Variants in LRRN3 observed in about 807,000 individuals in gnomAD.
The protein encoded by LRRN3 is leucine rich repeat neuronal 3, also known as leucine-rich repeat neuronal protein 3.
In LRRN3, 15 loss-of-function variants were observed where a neutral mutation model predicts 40.1. That is an observed-to-expected ratio of 0.37 (90% CI 0.25 to 0.58). LRRN3 has a LOEUF of 0.58. Ranked by LOEUF, LRRN3 falls within the 20% of genes least tolerant of loss-of-function variation. LRRN3 has a pLI of 0.72. For missense variants in LRRN3, 746 were observed against 837.7 expected (o/e 0.89, Z 1.35); for synonymous variants, 308 against 297.2 (o/e 1.04, Z -0.37).
chr7:111,095,514 G>T (rs1024881798), intron 1 of LRRN3, among the ~76,000 whole-genome samples: 10 of 151,868 alleles, frequency 6.6e-5, no homozygotes, highest in Admixed American at 6.6e-4. Context: ...TTCAATAATA[G>T]AAGCAACGAT....
At chr7:111,120,185 G>T (rs981863177) in intron 2 of LRRN3, among the ~76,000 whole-genome samples, 1 of 152,044 alleles carries the variant, frequency 6.6e-6, no homozygotes, top group Non-Finnish European at 1.5e-5. Flanking sequence ...AAAATATCTA[G>T]GTCTTTGTGT....
At position 111,108,913 on chromosome 7, in the gene LRRN3, AG is replaced by A. The variant is rs1426267318; in HGVS notation, c.-359+8952del. Among the ~76,000 whole-genome samples, 6 of 152,346 alleles carry A rather than the reference AG, an allele frequency of 3.9e-5. No individual in the cohort carries two copies. The East Asian group carries it at 1.2e-3, about 29-fold the overall frequency. The stretch of plus-strand genomic sequence containing the variant: ...CAGTAGATATTTATTGAACAACAAT[AG>A]CAGGCAATATTCTAGCTAGGCATTG... On this transcript the variant is annotated intron_variant, in intron 2 of 2. Transcript: ENST00000308478.
rs983213921 is a variant in LRRN3 at position 111,124,845 on chromosome 7, T to C, written c.2073T>C (p.Ser691=). The part of the protein sequence containing the change: ...INLWEAGKEK[S]TSLKVKATVI... ...TCTGGGAAGCAGGAAAAGAAAAAAG[T>C]ACATCACTGAAAGTAAAAGCAACTG... is the stretch of plus-strand genomic sequence containing the variant. The change falls in exon 3 of 3, where the codon AGT becomes AGC. Residue 691 remains serine (S), a synonymous_variant. Coordinates refer to ENST00000308478, the MANE Select transcript of LRRN3 (RefSeq NM_001099658.2). 4 of 1,609,576 alleles carry C rather than the reference T, an allele frequency of 2.5e-6. No individual in the cohort carries two copies. The highest frequency in any genetic ancestry group is 2.7e-5 in the African/African-American group (2 of 74,202).
At chr7:111,113,409 A>G (rs1157564985) in intron 2 of LRRN3, among the ~76,000 whole-genome samples, 2 of 151,972 alleles carry the variant, frequency 1.3e-5, no homozygotes, top group African/African-American at 4.8e-5. Context: ...ATACATGTCT[A>G]TCATGTCCTC....
chr7:111,094,619 T>C (rs543747017), intron 1 of LRRN3, among the ~76,000 whole-genome samples: 10 of 152,272 alleles, frequency 6.6e-5, no homozygotes, highest in East Asian at 3.9e-4. Flanking sequence ...CTCTCTGATA[T>C]TGGCTATGCA....
chr7:111,108,955 G>T (rs1401092974), intron 2 of LRRN3, among the ~76,000 whole-genome samples: 1 of 152,114 alleles, frequency 6.6e-6, no homozygotes, highest in Non-Finnish European at 1.5e-5. Flanking sequence ...CCATAGCTCT[G>T]AATAAAACGG....
intron 2 of LRRN3, among the ~76,000 whole-genome samples, chr7:111,121,972 G>A (rs1400090325): frequency 5.3e-5 from 8 of 150,866 alleles, no homozygotes; most frequent in East Asian, 3.9e-4. Flanking sequence ...GCAAACTATC[G>A]CAAGGACAAA....
Position 111,124,882 on chromosome 7 carries a change from C to T in LRRN3, c.2110C>T (p.Pro704Ser). Residue 704 changes from proline (P) to serine (S), a missense_variant, in exon 3 of 3, where the codon CCA (proline) becomes TCA (serine). Transcript: ENST00000308478. ...AGTAAAAGCAACTGTTATAGGTTTA[C>T]CAACAAATATGTCCTAAAAACCACC... ...LKVKATVIGL[P>S]TNMS 6.3e-7 allele frequency: 1 copy of T among 1,581,752 alleles called. No homozygotes were observed. Among genetic ancestry groups the T allele is most frequent in the South Asian group, 1.2e-5 (1 of 85,400 alleles).
intron 2 of LRRN3, among the ~76,000 whole-genome samples, chr7:111,113,743 A>G (rs1300948201): frequency 6.6e-6 from 1 of 152,162 alleles, no homozygotes; most frequent in Non-Finnish European, 1.5e-5. Context: ...TTGTACTGCA[A>G]GGCACAATGT....
chr7:111,123,954 G>A lies in LRRN3; in HGVS notation c.1182G>A (p.Leu394=). The A allele has an allele frequency of 6.2e-7, 1 of 1,614,014 alleles. No homozygotes were observed. Among genetic ancestry groups the A allele is most frequent in the Non-Finnish European group, 8.5e-7 (1 of 1,179,992 alleles). Residue 394 remains leucine (L), a synonymous_variant, in exon 3 of 3, where the codon CTG becomes CTA. Transcript: ENST00000308478. The surrounding 1 kb of genome is among the most constrained non-coding windows in gnomAD (Gnocchi z 6.4). ...TTCGATTCATGGAGCCAGATTCACT[G>A]TTTTGCGTGGACCCACCTGAATTCC... ...TNIRFMEPDS[L]FCVDPPEFQG... is the part of the protein sequence containing the mutation.
At chr7:111,104,546 C>T (rs551005853) in intron 2 of LRRN3, among the ~76,000 whole-genome samples, 1 of 151,806 alleles carries the variant, frequency 6.6e-6, no homozygotes, top group Non-Finnish European at 1.5e-5. Context: ...TGTGAAACTA[C>T]TTAGTATGGT....
intron 1 of LRRN3, among the ~76,000 whole-genome samples, chr7:111,098,923 T>A (rs1797679440): frequency 6.6e-6 from 1 of 151,888 alleles, no homozygotes; most frequent in Admixed American, 6.6e-5. Flanking sequence ...AGTAACTCTG[T>A]TTCTAGTTTC....
rs922816440 is a variant in LRRN3, at chr7:111,122,502, A to G, written c.-271A>G. ...TAAATGAATTACTCAATCTCCTATG[A>G]CCATCTATACATACTCCACCTTCAA... On this transcript the variant is annotated 5_prime_UTR_variant, in exon 3 of 3. Coordinates refer to ENST00000308478, the MANE Select transcript of LRRN3 (RefSeq NM_001099658.2). The G allele has an allele frequency of 2.8e-6, 1 of 358,300 alleles. No homozygotes were observed. The highest frequency in any genetic ancestry group is 2.1e-5 in the African/African-American group (1 of 47,758). 22.2% of individuals were successfully genotyped at this position (358,300 alleles called of 1,614,324 possible). A position where few individuals can be genotyped will look rare whatever the true frequency, so the allele number is the denominator to read the frequency against.
intron 2 of LRRN3, among the ~76,000 whole-genome samples, chr7:111,111,518 G>C (rs1586341574): frequency 6.6e-6 from 1 of 151,322 alleles, no homozygotes; most frequent in South Asian, 2.1e-4. Flanking sequence ...CACTCTTTTG[G>C]GGGATCTCAT....
intron 2 of LRRN3, among the ~76,000 whole-genome samples, chr7:111,119,784 C>T (rs1800363207): frequency 6.7e-6 from 1 of 149,274 alleles, no homozygotes; most frequent in Admixed American, 6.6e-5. Flanking sequence ...CAAAGCCAGG[C>T]AGGCCTCACG....
chr7:111,095,397 T>C (rs1294837354), intron 1 of LRRN3, among the ~76,000 whole-genome samples: 1 of 151,902 alleles, frequency 6.6e-6, no homozygotes, highest in Non-Finnish European at 1.5e-5. Flanking sequence ...AATAATGTTT[T>C]CTCAAAAACC....
Position 111,097,601 on chromosome 7 carries a change from T to A in LRRN3, c.-440-2280T>A, listed in dbSNP as rs908424134. On this transcript the variant is annotated intron_variant, in intron 1 of 2. Coordinates refer to ENST00000308478, the MANE Select transcript of LRRN3 (RefSeq NM_001099658.2). ...TTCTTAAGGAAAAAAAACAAAAAAA[T>A]GTTAAAAATAGACATGTATTTTTCA... Among the ~76,000 whole-genome samples, 11 of 151,822 alleles carry A rather than the reference T, an allele frequency of 7.2e-5. No individual in the cohort carries two copies. The East Asian group carries it at 2.1e-3, about 29-fold the overall frequency.
At chr7:111,109,548 A>T (rs1169096603) in intron 2 of LRRN3, among the ~76,000 whole-genome samples, 1 of 152,176 alleles carries the variant, frequency 6.6e-6, no homozygotes, top group Non-Finnish European at 1.5e-5. Flanking sequence ...CAGAGCTCAC[A>T]GGAAGAGACC....
intron 2 of LRRN3, among the ~76,000 whole-genome samples, chr7:111,117,603 A>G (rs1199157455): frequency 6.6e-6 from 1 of 152,104 alleles, no homozygotes; most frequent in African/African-American, 2.4e-5. Context: ...AGGAAAATAG[A>G]ACAGTCTTTT....
Sources: gnomAD v4.1 joint callset for allele counts (sites outside exome capture counted in the v4.1 genomes callset) on GRCh38, gnomAD v4.1.1 for gene constraint, Gnocchi (gnomAD v3.1) non-coding constraint, MANE v1.5 for transcripts, NCBI Gene and HGNC (gene_info 2026-07-23, HGNC 2026-07-21) for gene names.